The following FARS2 variants were observed in gnomAD, a reference collection of about 807,000 sequenced individuals.
The protein encoded by FARS2 is phenylalanine--tRNA ligase, mitochondrial.
FARS2 carries 40 observed loss-of-function variants against 46.4 expected under a neutral mutation model. That is an observed-to-expected ratio of 0.86 (90% CI 0.67 to 1.12). FARS2 has a LOEUF of 1.12. Ranked by LOEUF, FARS2 falls within the 50% of genes most tolerant of loss-of-function variation. The pLI, the probability that FARS2 is intolerant of heterozygous loss-of-function variation, is 0.00. For synonymous variants in FARS2, 234 were observed against 214.9 expected, an observed-to-expected ratio of 1.09 and a Z score of -0.78; for missense variants, 513 against 567.9, an observed-to-expected ratio of 0.90 and a Z score of 0.98.
intron 1 of FARS2, among the ~76,000 whole-genome samples, chr6:5,319,507 A>C (rs935489836): frequency 2.0e-5 from 3 of 152,218 alleles, no homozygotes; most frequent in African/African-American, 7.2e-5. Flanking sequence ...AGAAATGCCA[A>C]CTTTGGACCA....
chr6:5,308,015 T>A (rs1322382692), intron 1 of FARS2, among the ~76,000 whole-genome samples: 2 of 152,222 alleles, frequency 1.3e-5, no homozygotes, highest in Admixed American at 6.5e-5. Context: ...TGGGGATTTT[T>A]TAAGGACAGT....
At position 5,503,948 on chromosome 6, in the gene FARS2, A is replaced by G. The variant is rs114689238; in HGVS notation, c.905-41232A>G. 9.6e-3 allele frequency among the ~76,000 whole-genome samples: 1,466 copies of G among 152,274 alleles called. 20 individuals are homozygous for G. Among genetic ancestry groups the G allele is most frequent in the African/African-American group, 0.033 (1,353 of 41,550 alleles). On this transcript the variant is annotated intron_variant, in intron 4 of 6. Coordinates refer to ENST00000274680, the MANE Select transcript of FARS2 (RefSeq NM_006567.5). ...AAATCTTGTCTGCATTTTTGCCCCA[A>G]ATCAAGTGGAAATCTTAAAAGTATT...
At chr6:5,639,842 A>G (rs185703981) in intron 6 of FARS2, among the ~76,000 whole-genome samples, 11 of 152,260 alleles carry the variant, frequency 7.2e-5, no homozygotes, top group Middle Eastern at 3.4e-3. Context: ...CATCCTGGGC[A>G]TTGGCTGGAA....
chr6:5,386,801 G>T (rs7760235), intron 2 of FARS2, among the ~76,000 whole-genome samples: 1 of 152,088 alleles, frequency 6.6e-6, no homozygotes, highest in African/African-American at 2.4e-5. Flanking sequence ...GACATGTTTA[G>T]GTTTGGGATT....
chr6:5,315,431 C>A (rs929869318), intron 1 of FARS2, among the ~76,000 whole-genome samples: 2 of 152,166 alleles, frequency 1.3e-5, no homozygotes, highest in African/African-American at 4.8e-5. Context: ...GGTCTGTTGA[C>A]ATAAATGTAA....
At chr6:5,726,996 C>T (rs189086771) in intron 6 of FARS2, among the ~76,000 whole-genome samples, 10 of 152,328 alleles carry the variant, frequency 6.6e-5, no homozygotes, top group Admixed American at 2.6e-4. Flanking sequence ...CCTTCGTGAC[C>T]GCTGTCAACT....
chr6:5,717,957 C>A (rs899899031), intron 6 of FARS2, among the ~76,000 whole-genome samples: 16 of 62,716 alleles, frequency 2.6e-4, no homozygotes, highest in African/African-American at 9.4e-4. Flanking sequence ...CTCTGTCGCC[C>A]AGGCTGGAGT....
At chr6:5,395,714 T>C (rs1240064834) in intron 2 of FARS2, among the ~76,000 whole-genome samples, 1 of 152,252 alleles carries the variant, frequency 6.6e-6, no homozygotes, top group African/African-American at 2.4e-5. Context: ...AAACACTGTG[T>C]GCTTATAATA....
intron 6 of FARS2, among the ~76,000 whole-genome samples, chr6:5,678,101 G>A (rs769735705): frequency 1.2e-4 from 18 of 152,124 alleles, no homozygotes; most frequent in Admixed American, 4.6e-4. Context: ...TCGTAGAAAG[G>A]GGGAACTCAG....
At chr6:5,370,562 C>A (rs1758993321) in intron 2 of FARS2, among the ~76,000 whole-genome samples, 1 of 152,068 alleles carries the variant, frequency 6.6e-6, no homozygotes, top group South Asian at 2.1e-4. Context: ...AATATGACGT[C>A]CAGGTCACAG....
At chr6:5,387,961 G>A (rs183077910) in intron 2 of FARS2, among the ~76,000 whole-genome samples, 9 of 152,278 alleles carry the variant, frequency 5.9e-5, no homozygotes, top group Non-Finnish European at 1.0e-4. Flanking sequence ...GAAAGTTCCT[G>A]TATAATCCAT....
intron 5 of FARS2, among the ~76,000 whole-genome samples, chr6:5,563,780 T>C (rs1049683704): frequency 6.6e-6 from 1 of 152,096 alleles, no homozygotes; most frequent in African/African-American, 2.4e-5. Context: ...CAAATACCAA[T>C]ACAAGATATA....
chr6:5,452,678 C>G (rs1764569013), intron 4 of FARS2: 2 of 152,144 alleles, frequency 1.3e-5, no homozygotes, highest in Non-Finnish European at 2.9e-5. Flanking sequence ...CATTTTGGCA[C>G]AAAACCTTCA....
rs1295574407 is a variant in FARS2, at chr6:5,764,003, TC to T, written c.1218-7287del. 2.6e-5 allele frequency among the ~76,000 whole-genome samples: 4 copies of T among 151,926 alleles called. No individual in the cohort carries two copies. Among genetic ancestry groups the T allele is most frequent in the African/African-American group, 4.8e-5 (2 of 41,340 alleles). Reference sequence around the variant, plus strand: ...AAGAAACACAGGAAATACAAGTCCCTCACCCCCACAGCCTCATTACACTCTC... The same window carrying T: ...AAGAAACACAGGAAATACAAGTCCCTACCCCCACAGCCTCATTACACTCTC... On this transcript the variant is annotated intron_variant, in intron 6 of 6. Transcript: ENST00000274680. This position sits in a 1 kb window ranked among gnomAD's most constrained non-coding sequence, Gnocchi z 4.1.
At chr6:5,436,968 G>A (rs1763559372) in intron 4 of FARS2, among the ~76,000 whole-genome samples, 1 of 151,856 alleles carries the variant, frequency 6.6e-6, no homozygotes, top group African/African-American at 2.4e-5. Flanking sequence ...ATCAGTTATT[G>A]ACATACGTAT....
At chr6:5,644,352 A>G (rs1300609583) in intron 6 of FARS2, among the ~76,000 whole-genome samples, 2 of 152,086 alleles carry the variant, frequency 1.3e-5, no homozygotes, top group African/African-American at 4.8e-5. Flanking sequence ...AGCTGAGACT[A>G]CAGGTGCGCA....
intron 3 of FARS2, among the ~76,000 whole-genome samples, chr6:5,409,743 C>A (rs543019066): frequency 6.6e-6 from 1 of 152,294 alleles, no homozygotes; most frequent in East Asian, 1.9e-4. Flanking sequence ...TCTTTTTCTT[C>A]TTTCCTTTGA....
At chr6:5,568,681 A>G (rs1166898142) in intron 5 of FARS2, among the ~76,000 whole-genome samples, 2 of 152,192 alleles carry the variant, frequency 1.3e-5, no homozygotes, top group African/African-American at 4.8e-5. Flanking sequence ...GAATGTGGGC[A>G]GTGGCAAACT....
Position 5,407,082 on chromosome 6 carries a change from T to C in FARS2, c.772+2381T>C, listed in dbSNP as rs1488425424. ...ATATATATATAATGACCAATAAATA[T>C]ATGAAAAGATGCTTGTCTTTATTAG... is the stretch of plus-strand genomic sequence containing the variant. On this transcript the variant is annotated intron_variant, in intron 3 of 6. Coordinates refer to ENST00000274680, the MANE Select transcript of FARS2 (RefSeq NM_006567.5). 2.2e-5 allele frequency among the ~76,000 whole-genome samples: 3 copies of C among 135,650 alleles called. No individual in the cohort carries two copies. The East Asian group carries it at 6.3e-4, about 28-fold the overall frequency. 89.0% of individuals were successfully genotyped at this position (135,650 alleles called of 152,430 possible). A position where few individuals can be genotyped will look rare whatever the true frequency, so the allele number is the denominator to read the frequency against.
Sources: allele counts gnomAD v4.1 joint callset (sites outside exome capture counted in the v4.1 genomes callset), GRCh38; gene constraint gnomAD v4.1.1; non-coding constraint Gnocchi (gnomAD v3.1); transcripts MANE v1.5; gene names NCBI Gene and HGNC (gene_info 2026-07-23, HGNC 2026-07-21).